EVL: variants seen among roughly 807,000 people sequenced by gnomAD.
EVL encodes ena/VASP-like protein.
A neutral mutation model predicts 59.6 loss-of-function variants in EVL; 21 were observed. The observed-to-expected ratio is 0.35, with a 90% confidence interval of 0.25 to 0.51. The LOEUF is 0.51. EVL is among the 20% of genes least tolerant of loss of function. The pLI, the probability that EVL is intolerant of heterozygous loss-of-function variation, is 0.97. For missense variants in EVL, 462 were observed against 546.6 expected, an observed-to-expected ratio of 0.85 and a Z score of 1.54; for synonymous variants, 198 against 203.5, an observed-to-expected ratio of 0.97 and a Z score of 0.23.
At chr14:100,094,817 A>G (rs1885689989) in intron 2 of EVL, among the ~76,000 whole-genome samples, 1 of 152,118 alleles carries the variant, frequency 6.6e-6, no homozygotes, top group Non-Finnish European at 1.5e-5. Context: ...CGAGGCGGGC[A>G]GATCACGAGG....
intron 7 of EVL, among the ~76,000 whole-genome samples, chr14:100,132,368 C>T (rs1339488750): frequency 2.0e-5 from 3 of 151,962 alleles, no homozygotes; most frequent in South Asian, 4.1e-4. Context: ...CTCTCTGTCC[C>T]GTGTGGCCAG....
In EVL at chr14:100,126,692, G is replaced by A; in HGVS notation, c.423-15G>A. ...AGTGGAGGAGTCAGACTGCCCTGCTGTGATTACTTTCCAGACAAGTGATGG... is the reference window on the plus strand; with the variant it reads ...AGTGGAGGAGTCAGACTGCCCTGCTATGATTACTTTCCAGACAAGTGATGG... On this transcript the variant is annotated splice_polypyrimidine_tract_variant and intron_variant, in intron 4 of 13. Coordinates refer to ENST00000392920, the MANE Select transcript of EVL (RefSeq NM_016337.3). The A allele has an allele frequency of 1.9e-6, 3 of 1,614,106 alleles. No individual in the cohort carries two copies. Among genetic ancestry groups the A allele is most frequent in the Non-Finnish European group, 2.5e-6 (3 of 1,179,968 alleles).
chr14:100,128,409 T>G (rs542416285), intron 5 of EVL, 110 bp from the exon 6 acceptor site: 2 of 1,112,712 alleles, frequency 1.8e-6, no homozygotes, highest in East Asian at 4.7e-5. Context: ...TCTCATCCCT[T>G]TGGGGAGCAG....
At chr14:99,974,216 A>G (rs890759031) in intron 1 of EVL, 7 of 152,156 alleles carry the variant, frequency 4.6e-5, no homozygotes, top group East Asian at 3.8e-4. Flanking sequence ...ACTTTTTTCC[A>G]TTTGTGAAGT....
intron 5 of EVL, 76 bp from the exon 6 acceptor site, chr14:100,128,443 G>A (rs1310749783): frequency 1.4e-6 from 2 of 1,476,396 alleles, no homozygotes; most frequent in Non-Finnish European, 1.9e-6. Context: ...TTCCTCCGGG[G>A]AACCTGAGCT....
At chr14:99,977,302 A>G (rs1299808262) in intron 1 of EVL, 3 of 152,176 alleles carry the variant, frequency 2.0e-5, no homozygotes, top group East Asian at 1.9e-4. Context: ...AGGTACTTTT[A>G]TCTCCTTTCC....
intron 1 of EVL, among the ~76,000 whole-genome samples, chr14:100,031,087 T>C (rs1446438811): frequency 6.6e-6 from 1 of 152,240 alleles, no homozygotes; most frequent in Non-Finnish European, 1.5e-5. Flanking sequence ...GTGGTTCTCC[T>C]GGACAGCAAG....
At chr14:100,118,839 T>C (rs1410235542) in intron 3 of EVL, among the ~76,000 whole-genome samples, 2 of 152,180 alleles carry the variant, frequency 1.3e-5, no homozygotes, top group Non-Finnish European at 2.9e-5. Flanking sequence ...CTCACCACTG[T>C]GTTTGGGAGG....
At chr14:100,026,692 T>A (rs796886606) in intron 1 of EVL, among the ~76,000 whole-genome samples, 2 of 152,214 alleles carry the variant, frequency 1.3e-5, no homozygotes, top group South Asian at 2.1e-4. Context: ...CTCTCACATC[T>A]TCTTCTCTAC....
chr14:100,029,756 CAG>C (rs879814018), intron 1 of EVL, among the ~76,000 whole-genome samples: 2 of 152,052 alleles, frequency 1.3e-5, no homozygotes, highest in African/African-American at 2.4e-5. Context: ...GGTATAGGAA[CAG>C]GGGGACAGTG....
rs781617821 is a variant in EVL at position 100,126,733 on chromosome 14, A to C, written c.449A>C (p.Gln150Pro). The change falls in exon 5 of 14, where the codon CAG becomes CCG. Residue 150 changes from glutamine to proline, a missense_variant. Transcript: ENST00000392920. ...RRQVMEQHQQ[Q>P]RQESLERRTS... ...CAAGTGATGGAGCAGCACCAGCAGC[A>C]GCGTCAGGAATCTCTAGAAAGAAGA... The C allele has an allele frequency of 8.7e-6, 14 of 1,614,024 alleles. No individual in the cohort carries two copies. The highest frequency in any genetic ancestry group is 1.3e-5 in the African/African-American group (1 of 74,922).
At chr14:100,055,583 G>T (rs951802218) in intron 1 of EVL, among the ~76,000 whole-genome samples, 2 of 152,122 alleles carry the variant, frequency 1.3e-5, no homozygotes, top group Non-Finnish European at 2.9e-5. Context: ...GAAAAGTAAG[G>T]TTCAAAAATT....
At position 100,109,819 on chromosome 14, in the gene EVL, G is replaced by A. The variant is rs1005124179; in HGVS notation, c.358+12161G>A. 4.5e-6 allele frequency: 2 copies of A among 448,356 alleles called. No individual in the cohort carries two copies. The highest frequency in any genetic ancestry group is 9.4e-6 in the Non-Finnish European group (2 of 212,272). 27.8% of individuals were successfully genotyped at this position (448,356 alleles called of 1,614,324 possible). On this transcript the variant is annotated intron_variant, in intron 3 of 13. Transcript: ENST00000392920. This position sits in a 1 kb window ranked among gnomAD's most constrained non-coding sequence, Gnocchi z 4.3. ...GCCTATGGAAGGGCCTTCAGCTGCT[G>A]TGGCCCCGAGGTGTGCATACTGTGG... is the stretch of plus-strand genomic sequence containing the variant.
At chr14:100,052,164 A>T (rs746904083) in intron 1 of EVL, among the ~76,000 whole-genome samples, 3 of 152,214 alleles carry the variant, frequency 2.0e-5, no homozygotes, top group Non-Finnish European at 4.4e-5. Flanking sequence ...CCGAAGTGCT[A>T]TGCTTTCACT....
intron 1 of EVL, among the ~76,000 whole-genome samples, chr14:100,008,261 G>A (rs2060996012): frequency 6.6e-6 from 1 of 152,142 alleles, no homozygotes. Context: ...TGCTAATATG[G>A]CTGGTGGATG....
Position 100,074,377 on chromosome 14 carries a change from C to T in EVL, c.11+8866C>T, listed in dbSNP as rs1302436497. 3 of 152,298 alleles carry T rather than the reference C, an allele frequency of 2.0e-5. No homozygotes were observed. In the South Asian group the frequency reaches 6.2e-4, roughly 32 times the overall value. The allele number at this position is 152,298 out of a possible 1,614,324, so 9.4% of individuals were successfully genotyped here. On this transcript the variant is annotated intron_variant, in intron 1 of 13. Transcript: ENST00000392920. ...CATTCCAGCCAACATTGTCCTTTTTCAAGATAGTATCTGCTGGGTGCTAAT... is the reference window on the plus strand; with the variant it reads ...CATTCCAGCCAACATTGTCCTTTTTTAAGATAGTATCTGCTGGGTGCTAAT...
chr14:100,111,621 G>A (rs1227379696), intron 3 of EVL, among the ~76,000 whole-genome samples: 5 of 152,080 alleles, frequency 3.3e-5, no homozygotes, highest in African/African-American at 9.7e-5. Flanking sequence ...CCCCTCAGTC[G>A]TAGCCAGAGT....
At chr14:99,977,685 C>T (rs1310236408) in intron 1 of EVL, among the ~76,000 whole-genome samples, 6 of 152,176 alleles carry the variant, frequency 3.9e-5, no homozygotes, top group South Asian at 4.2e-4. Context: ...TCGCCCACCT[C>T]GGCCCCCCAA....
At chr14:100,064,795 A>G (rs2140268797), upstream of EVL, among the ~76,000 whole-genome samples, 1 of 152,318 alleles carries the variant, frequency 6.6e-6, no homozygotes, top group South Asian at 2.1e-4. Context: ...CTATAATCCC[A>G]GCTACTCAGG....
Sources: gnomAD v4.1 joint callset for allele counts (sites outside exome capture counted in the v4.1 genomes callset) on GRCh38, gnomAD v4.1.1 for gene constraint, Gnocchi (gnomAD v3.1) non-coding constraint, MANE v1.5 for transcripts, NCBI Gene and HGNC (gene_info 2026-07-23, HGNC 2026-07-21) for gene names.